Variants in UTRN observed in about 807,000 individuals in gnomAD.
UTRN encodes the protein dystrophin-related protein 1.
A neutral mutation model predicts 463.9 loss-of-function variants in UTRN; 283 were observed. That is an observed-to-expected ratio of 0.61 (90% CI 0.55 to 0.67). UTRN has a LOEUF of 0.67. UTRN is among the 30% of genes least tolerant of loss of function. The pLI, the probability that UTRN is intolerant of heterozygous loss-of-function variation, is 0.00. For synonymous variants in UTRN, 1,442 were observed against 1,431.5 expected (o/e 1.01, Z -0.17); for missense variants, 3,922 against 4,084.3 (o/e 0.96, Z 1.08).
At chr6:144,726,304 T>C (rs1028891468) in intron 53 of UTRN, among the ~76,000 whole-genome samples, 9 of 152,196 alleles carry the variant, frequency 5.9e-5, no homozygotes, top group African/African-American at 9.7e-5. Flanking sequence ...TACCGCTCTC[T>C]GAGTACTGAA....
intron 51 of UTRN, among the ~76,000 whole-genome samples, chr6:144,579,409 AG>A (rs1428836876): frequency 2.0e-5 from 3 of 152,172 alleles, no homozygotes; most frequent in Non-Finnish European, 1.5e-5. Flanking sequence ...GTAGCTATCT[AG>A]GCTGTGCACT....
chr6:144,758,941 G>A (rs1050396949), intron 58 of UTRN, among the ~76,000 whole-genome samples: 9 of 151,898 alleles, frequency 5.9e-5, no homozygotes, highest in African/African-American at 1.2e-4. Flanking sequence ...TCTAACATGG[G>A]GTGTGGTATC....
rs141033522 is a variant in UTRN at position 144,582,853 on chromosome 6, T to C, written c.7479+5565T>C. On this transcript the variant is annotated intron_variant, in intron 51 of 74. Transcript: ENST00000367545. ...TTTTAGGTGATTTTGGGCTGAGATCTGTCTGGGGGTGATTTTTTAGCACTT... is the reference window on the plus strand; with the variant it reads ...TTTTAGGTGATTTTGGGCTGAGATCCGTCTGGGGGTGATTTTTTAGCACTT... 4.4e-3 allele frequency among the ~76,000 whole-genome samples: 677 copies of C among 152,260 alleles called. 2 individuals are homozygous for C. The highest frequency in any genetic ancestry group is 0.016 in the African/African-American group (660 of 41,540).
chr6:144,306,130 T>G (rs755246415), intron 2 of UTRN, among the ~76,000 whole-genome samples: 4 of 152,344 alleles, frequency 2.6e-5, no homozygotes, highest in South Asian at 2.1e-4. Context: ...TTATTTTCCC[T>G]TTTCTCTGTG....
At chr6:144,795,411 G>A (rs1777125305) in intron 63 of UTRN, among the ~76,000 whole-genome samples, 4 of 152,248 alleles carry the variant, frequency 2.6e-5, no homozygotes, top group South Asian at 4.1e-4. Flanking sequence ...TGGGTCAAAT[G>A]GTATTTCTGG....
intron 52 of UTRN, among the ~76,000 whole-genome samples, chr6:144,699,634 AT>A (rs1036898884): frequency 6.6e-5 from 10 of 150,774 alleles, no homozygotes; most frequent in African/African-American, 2.2e-4. Flanking sequence ...TGAGAAAAAA[AT>A]ATATTTGGAT....
chr6:144,583,081 A>T (rs977251144), intron 51 of UTRN: 3 of 161,786 alleles, frequency 1.9e-5, no homozygotes, highest in African/African-American at 4.8e-5. Flanking sequence ...TGGTGGTGGC[A>T]GTGATATGTT....
intron 43 of UTRN, among the ~76,000 whole-genome samples, chr6:144,535,425 G>T (rs1314472751): frequency 6.6e-6 from 1 of 152,132 alleles, no homozygotes; most frequent in Admixed American, 6.5e-5. Flanking sequence ...TGCTGGGAGG[G>T]TTTTAACAAT....
In UTRN at chr6:144,548,838, C is replaced by A; in HGVS notation, c.6794C>A (p.Thr2265Asn). Residue 2265 changes from threonine (T) to asparagine (N), a missense_variant, in exon 47 of 75, where the codon ACC becomes AAC. Physicochemically the swap from Thr to Asn is moderately conservative, Grantham distance 65. Coordinates refer to ENST00000367545, the MANE Select transcript of UTRN (RefSeq NM_007124.3). ...GGGGATGTAGAAGAGATCAATAAGA[C>A]CGTTTCCCGAATGAAAGTAGGTGCA... Reference protein sequence around the residue: ...TVGDVEEINKTVSRMKITKAD... With the variant: ...TVGDVEEINKNVSRMKITKAD... 1 of 1,613,836 alleles carries A rather than the reference C, an allele frequency of 6.2e-7. No individual in the cohort carries two copies.
At chr6:144,778,132 G>A (rs774307594) in intron 60 of UTRN, among the ~76,000 whole-genome samples, 11 of 152,136 alleles carry the variant, frequency 7.2e-5, no homozygotes, top group Admixed American at 3.9e-4. Flanking sequence ...AAAGACCAAA[G>A]GGCAGAGAAC....
In UTRN at chr6:144,469,742, T is replaced by G. The variant is rs549436019; in HGVS notation, c.3067-3978T>G. Among the ~76,000 whole-genome samples the G allele has an allele frequency of 2.0e-3, 302 of 148,356 alleles. 1 individual carries two copies. Among genetic ancestry groups the G allele is most frequent in the African/African-American group, 7.3e-3 (283 of 38,728 alleles). ...TATTTATTGATCATTTTTGGGTGTT[T>G]CTCGGAGAGGGGGATTTGGCAGGGT... On this transcript the variant is annotated intron_variant, in intron 23 of 74. Coordinates refer to ENST00000367545, the MANE Select transcript of UTRN (RefSeq NM_007124.3).
intron 37 of UTRN, among the ~76,000 whole-genome samples, chr6:144,515,285 A>G (rs1450022775): frequency 6.6e-6 from 1 of 152,226 alleles, no homozygotes; most frequent in Admixed American, 6.5e-5. Context: ...GATTGTGCAT[A>G]TGAAGGAGAG....
intron 51 of UTRN, among the ~76,000 whole-genome samples, chr6:144,642,844 T>C (rs2128662345): frequency 6.6e-6 from 1 of 152,278 alleles, no homozygotes; most frequent in South Asian, 2.1e-4. Context: ...GTAAAATATA[T>C]TATTGGATGT....
intron 2 of UTRN, among the ~76,000 whole-genome samples, chr6:144,382,608 T>A (rs991520340): frequency 6.6e-6 from 1 of 152,210 alleles, no homozygotes; most frequent in African/African-American, 2.4e-5. Context: ...TGTTTAAGGG[T>A]TGCATTTTTA....
chr6:144,436,633 A>G (rs1786557590), intron 10 of UTRN, among the ~76,000 whole-genome samples: 1 of 151,544 alleles, frequency 6.6e-6, no homozygotes, highest in Non-Finnish European at 1.5e-5. Flanking sequence ...TCTTTTGGTT[A>G]AATTTTTCTT....
At chr6:144,630,885 A>G (rs1171617587) in intron 51 of UTRN, among the ~76,000 whole-genome samples, 1 of 152,080 alleles carries the variant, frequency 6.6e-6, no homozygotes, top group Non-Finnish European at 1.5e-5. Flanking sequence ...AACCACCCCA[A>G]GAAGACTTTT....
chr6:144,315,220 A>G (rs1775204212), intron 2 of UTRN, among the ~76,000 whole-genome samples: 1 of 152,218 alleles, frequency 6.6e-6, no homozygotes, highest in African/African-American at 2.4e-5. Context: ...TAATTATCCT[A>G]ACATTGTTTC....
At chr6:144,659,921 A>G (rs6919221) in intron 51 of UTRN, 10,358 of 253,506 alleles carry the variant, frequency 0.041, 901 homozygotes, top group African/African-American at 0.19. Context: ...GGAATCCTGG[A>G]CTTCCCAGAG....
chr6:144,429,834 A>G, intron 9 of UTRN, 93 bp downstream of exon 9: 1 of 1,345,644 alleles, frequency 7.4e-7, no homozygotes, highest in Non-Finnish European at 1.0e-6. Context: ...TTTTTTCTTG[A>G]CTGAGAACAT....
Sources: allele counts gnomAD v4.1 joint callset (sites outside exome capture counted in the v4.1 genomes callset), GRCh38; gene constraint gnomAD v4.1.1; transcripts MANE v1.5; gene names NCBI Gene and HGNC (gene_info 2026-07-23, HGNC 2026-07-21).